The following NOVA1 variants were observed in gnomAD, a reference collection of about 807,000 sequenced individuals.
The protein encoded by NOVA1 is RNA-binding protein Nova-1.
Under a neutral mutation model 38.0 loss-of-function variants are expected in NOVA1, and 7 were observed. That is an observed-to-expected ratio of 0.18 (90% CI 0.10 to 0.35). NOVA1 has a LOEUF of 0.35. Ranked by LOEUF, NOVA1 falls within the 10% of genes least tolerant of loss-of-function variation. The probability of loss-of-function intolerance (pLI) is 1.00; values close to 1 mark genes in which losing one functional copy is unlikely to be tolerated. For synonymous variants in NOVA1, 270 were observed against 232.5 expected (o/e 1.16, Z -1.47); for missense variants, 460 against 616.0 (o/e 0.75, Z 2.68).
chr14:26,452,083 G>C (rs928373158), intron 4 of NOVA1, among the ~76,000 whole-genome samples: 1 of 152,184 alleles, frequency 6.6e-6, no homozygotes, highest in Non-Finnish European at 1.5e-5. Flanking sequence ...AATATAAAAA[G>C]TTTCAAAATT....
intron 2 of NOVA1, among the ~76,000 whole-genome samples, chr14:26,515,854 C>T (rs1201618625): frequency 6.6e-6 from 1 of 151,896 alleles, no homozygotes; most frequent in Non-Finnish European, 1.5e-5. Flanking sequence ...ATGTTATTTG[C>T]TATTTTAACA....
chr14:26,551,869 A>T (rs533194525), intron 2 of NOVA1, among the ~76,000 whole-genome samples: 1 of 152,118 alleles, frequency 6.6e-6, no homozygotes, highest in East Asian at 1.9e-4. Context: ...CATATCCTCC[A>T]AAAAGAAAAA....
intron 2 of NOVA1, among the ~76,000 whole-genome samples, chr14:26,493,671 C>T (rs182121981): frequency 2.4e-4 from 37 of 152,274 alleles, no homozygotes; most frequent in Middle Eastern, 3.4e-3. Context: ...AGCCTCTAAT[C>T]CAAGTGAGGA....
rs546703492 is a variant in NOVA1, at chr14:26,584,994, A to T, written c.280+10416T>A. ...AAGGGCACGGGGAAACAGACAAGAA[A>T]CACTATGATATGGTTATTTTAACCC... is the stretch of plus-strand genomic sequence containing the variant. On this transcript the variant is annotated intron_variant, in intron 2 of 4. Transcript: ENST00000539517. Among the ~76,000 whole-genome samples, 4 of 151,524 alleles carry T rather than the reference A, an allele frequency of 2.6e-5. No homozygotes were observed. In the East Asian group the frequency reaches 7.7e-4, roughly 29 times the overall value.
intron 2 of NOVA1, chr14:26,593,986 T>C (rs1894020135): frequency 6.6e-6 from 1 of 151,904 alleles, no homozygotes; most frequent in Admixed American, 6.6e-5. Flanking sequence ...GCAATCAAGC[T>C]CTTTTGAGTG....
At chr14:26,590,821 G>A (rs1269137557) in intron 2 of NOVA1, among the ~76,000 whole-genome samples, 1 of 151,712 alleles carries the variant, frequency 6.6e-6, no homozygotes, top group Non-Finnish European at 1.5e-5. Flanking sequence ...TTTTAAATGA[G>A]CTGTTTTTCC....
chr14:26,526,258 G>A lies in NOVA1; in HGVS notation c.281-46115C>T, dbSNP rs1232030091. Among the ~76,000 whole-genome samples, 2 of 152,148 alleles carry A rather than the reference G, an allele frequency of 1.3e-5. 1 individual carries two copies. The highest frequency in any genetic ancestry group is 4.1e-4 in the South Asian group (2 of 4,834). On this transcript the variant is annotated intron_variant, in intron 2 of 4. Transcript: ENST00000539517. ...TATGTTTTTAAATCTGCAAACTGGT[G>A]TAATTTATTGATGACTAACATGGTT... is the stretch of plus-strand genomic sequence containing the variant.
chr14:26,450,209 A>G (rs964859388), intron 4 of NOVA1, among the ~76,000 whole-genome samples: 1 of 152,144 alleles, frequency 6.6e-6, no homozygotes, highest in African/African-American at 2.4e-5. Flanking sequence ...TTCATTAGCT[A>G]ATTTTTAGCA....
chr14:26,545,363 G>C (rs2138616557), intron 2 of NOVA1, among the ~76,000 whole-genome samples: 1 of 152,180 alleles, frequency 6.6e-6, no homozygotes. Context: ...GTAGCCTAGG[G>C]ATAAAGGGGA....
chr14:26,595,993 ATATT>A (rs757937360), intron 1 of NOVA1: 20 of 338,952 alleles, frequency 5.9e-5, no homozygotes, highest in Admixed American at 1.2e-4. Flanking sequence ...GTGATGAGCT[ATATT>A]TATTTGTCAT....
In NOVA1 at chr14:26,444,075, C is replaced by T. The variant is rs978459183; in HGVS notation, c.*3884G>A. On this transcript the variant is annotated 3_prime_UTR_variant, in exon 5 of 5. Coordinates refer to ENST00000539517, the MANE Select transcript of NOVA1 (RefSeq NM_002515.3). ...TGAGGAATCAGCATATAAATCAAGA[C>T]TGAAATATAAGAATGGATTAAAAGG... The T allele has an allele frequency of 6.6e-6, 1 of 151,882 alleles. No homozygotes were observed. The highest frequency in any genetic ancestry group is 1.5e-5 in the Non-Finnish European group (1 of 67,938). The allele number at this position is 151,882 out of a possible 1,614,324, so 9.4% of individuals were successfully genotyped here. A position where few individuals can be genotyped will look rare whatever the true frequency, so the allele number is the denominator to read the frequency against.
chr14:26,567,426 G>A (rs946069138), intron 2 of NOVA1, among the ~76,000 whole-genome samples: 1 of 150,606 alleles, frequency 6.6e-6, no homozygotes, highest in Non-Finnish European at 1.5e-5. Flanking sequence ...CTCCCAAGTA[G>A]CTGGGACTAC....
chr14:26,448,872 C>G lies in NOVA1; in HGVS notation c.611G>C (p.Trp204Ser). 6.2e-7 allele frequency: 1 copy of G among 1,614,098 alleles called. No homozygotes were observed. The highest frequency in any genetic ancestry group is 8.5e-7 in the Non-Finnish European group (1 of 1,180,010). Reference sequence around the variant, plus strand: ...ATCAGGTTTCTGGGAAAGCTGCACCCAAGCCCCTGACTGCTCCATTACAGC... The same window carrying G: ...ATCAGGTTTCTGGGAAAGCTGCACCGAAGCCCCTGACTGCTCCATTACAGC... The part of the protein sequence containing the change: ...VKAVMEQSGA[W>S]VQLSQKPDGI... Residue 204 changes from tryptophan to serine, a missense_variant, in exon 5 of 5, where the codon TGG becomes TCG. Physicochemically the swap from Trp to Ser is radical, Grantham distance 177. Coordinates refer to ENST00000539517, the MANE Select transcript of NOVA1 (RefSeq NM_002515.3). This position sits in a 1 kb window ranked among gnomAD's most constrained non-coding sequence, Gnocchi z 5.3.
chr14:26,531,544 T>C (rs775803350), intron 2 of NOVA1, among the ~76,000 whole-genome samples: 3 of 151,200 alleles, frequency 2.0e-5, no homozygotes, highest in Non-Finnish European at 2.9e-5. Flanking sequence ...GTGGTGGAGG[T>C]TGCCGTGAGC....
rs993566522 is a variant in NOVA1, at chr14:26,597,038, G to A, written c.136+263C>T. ...GGTCAACCTCTGGACCGATTAAATG[G>A]AAAGATAGGTCTATTCCGAAAAACT... is the stretch of plus-strand genomic sequence containing the variant. On this transcript the variant is annotated intron_variant, in intron 1 of 4. Transcript: ENST00000539517. 4.0e-5 allele frequency: 49 copies of A among 1,217,926 alleles called. 1 individual carries two copies. Among genetic ancestry groups the A allele is most frequent in the Non-Finnish European group, 4.4e-5 (43 of 980,166 alleles). 75.4% of individuals were successfully genotyped at this position (1,217,926 alleles called of 1,614,324 possible).
At chr14:26,474,187 TAGA>T (rs1884801032) in intron 3 of NOVA1, among the ~76,000 whole-genome samples, 1 of 152,066 alleles carries the variant, frequency 6.6e-6, no homozygotes, top group Non-Finnish European at 1.5e-5. Context: ...GTGTTAAATC[TAGA>T]GATCATTTCT....
At chr14:26,454,397 T>A (rs1461399810) in intron 4 of NOVA1, among the ~76,000 whole-genome samples, 1 of 152,156 alleles carries the variant, frequency 6.6e-6, no homozygotes, top group Non-Finnish European at 1.5e-5. Flanking sequence ...GATAAAGAGA[T>A]ATTTGTGTTT....
chr14:26,508,002 T>C (rs1420821145), intron 2 of NOVA1, among the ~76,000 whole-genome samples: 6 of 152,026 alleles, frequency 3.9e-5, no homozygotes, highest in Non-Finnish European at 4.4e-5. Flanking sequence ...CAAAAGCTTC[T>C]AGTAAAAAAA....
intron 2 of NOVA1, among the ~76,000 whole-genome samples, chr14:26,585,249 A>C (rs1038654446): frequency 6.6e-5 from 10 of 151,346 alleles, no homozygotes; most frequent in African/African-American, 2.4e-4. Flanking sequence ...CAAACTCAAT[A>C]TCTTCCCTAA....
Sources: allele counts gnomAD v4.1 joint callset (sites outside exome capture counted in the v4.1 genomes callset), GRCh38; gene constraint gnomAD v4.1.1; non-coding constraint Gnocchi (gnomAD v3.1); transcripts MANE v1.5; gene names NCBI Gene and HGNC (gene_info 2026-07-23, HGNC 2026-07-21).